Variants in TRIM34 observed in about 807,000 individuals in gnomAD.
TRIM34 encodes the protein E3 ubiquitin-protein ligase TRIM34.
TRIM34 carries 41 observed loss-of-function variants against 38.1 expected under a neutral mutation model. That is an observed-to-expected ratio of 1.08 (90% CI 0.84 to 1.40). The LOEUF is 1.40. Among genes scored for constraint, TRIM34 ranks in the 40% most tolerant of loss-of-function variants. The pLI is 0.00. For synonymous variants in TRIM34, 200 were observed against 202.5 expected (o/e 0.99, Z 0.10); for missense variants, 556 against 571.4 (o/e 0.97, Z 0.27).
chr11:5,627,132 C>T (rs970301191), intron 1 of TRIM34, among the ~76,000 whole-genome samples: 3 of 152,004 alleles, frequency 2.0e-5, no homozygotes, highest in Non-Finnish European at 2.9e-5. Flanking sequence ...AATCCCAGCA[C>T]TGTGGGAGGC....
At chr11:5,639,458 A>G (rs1590182514) in intron 4 of TRIM34, among the ~76,000 whole-genome samples, 1 of 152,002 alleles carries the variant, frequency 6.6e-6, no homozygotes, top group African/African-American at 2.4e-5. Context: ...AAGAGGGCGG[A>G]TCATGAGGTC....
intron 3 of TRIM34, among the ~76,000 whole-genome samples, chr11:5,634,111 C>G (rs1162958853): frequency 6.6e-6 from 1 of 152,180 alleles, no homozygotes. Flanking sequence ...CAAAGATAGA[C>G]TCTATGATGA....
intron 1 of TRIM34, 122 bp from the exon 2 acceptor site, chr11:5,632,133 G>A (rs1849507316): frequency 7.1e-7 from 1 of 1,411,302 alleles, no homozygotes; most frequent in Non-Finnish European, 9.4e-7. Flanking sequence ...GCCATTTTTG[G>A]TTTCTCTTCC....
chr11:5,629,445 CA>C (rs1225469403), intron 1 of TRIM34, among the ~76,000 whole-genome samples: 3 of 152,152 alleles, frequency 2.0e-5, no homozygotes, highest in African/African-American at 7.2e-5. Flanking sequence ...GAACAAGTAT[CA>C]AAATGTTACT....
chr11:5,643,125 A>ATATATATATTTT lies in TRIM34; in HGVS notation c.902-18_902-17insATATATATTTTT. 3.1e-6 allele frequency: 3 copies of ATATATATATTTT among 974,248 alleles called. No individual in the cohort carries two copies. Among genetic ancestry groups the ATATATATATTTT allele is most frequent in the South Asian group, 6.2e-5 (2 of 32,168 alleles). 60.4% of individuals were successfully genotyped at this position (974,248 alleles called of 1,614,324 possible). A position where few individuals can be genotyped will look rare whatever the true frequency, so the allele number is the denominator to read the frequency against. Reference sequence around the variant, plus strand: ...ATTATATTCATATACATATATATATATTTTTTTTTTTCTTGCAGTGGATGT... The same window carrying ATATATATATTTT: ...ATTATATTCATATACATATATATATATATATATATTTTTTTTTTTTTTTCTTGCAGTGGATGT... On this transcript the variant is annotated intron_variant, in intron 7 of 7. Coordinates refer to ENST00000429814, the MANE Select transcript of TRIM34 (RefSeq NM_021616.6).
intron 1 of TRIM34, among the ~76,000 whole-genome samples, chr11:5,630,103 C>A (rs930351966): frequency 2.0e-5 from 3 of 152,108 alleles, no homozygotes; most frequent in African/African-American, 7.2e-5. Flanking sequence ...CGGATTGATT[C>A]CCTTGTAAAG....
At chr11:5,636,859 T>C (rs1418540532) in intron 4 of TRIM34, among the ~76,000 whole-genome samples, 1 of 152,124 alleles carries the variant, frequency 6.6e-6, no homozygotes, top group East Asian at 1.9e-4. Context: ...TAAGATATAA[T>C]CTGTTGGCGG....
In TRIM34 at chr11:5,634,623, C is replaced by T; in HGVS notation, c.520-8C>T. ...CTTACTACAACTCTCTCTTGTCCAT[C>T]CTTGCAGTATCAGGTACAAACTGAG... is the stretch of plus-strand genomic sequence containing the variant. On this transcript the variant is annotated splice_region_variant and splice_polypyrimidine_tract_variant and intron_variant, in intron 3 of 7. Transcript: ENST00000429814. 1 of 1,607,964 alleles carries T rather than the reference C, an allele frequency of 6.2e-7. No homozygotes were observed. Among genetic ancestry groups the T allele is most frequent in the Non-Finnish European group, 8.5e-7 (1 of 1,176,560 alleles).
chr11:5,634,530 C>CACACACATATATATATATATAT (rs1491498839), intron 3 of TRIM34, 101 bp from the exon 4 acceptor site: 6 of 203,906 alleles, frequency 2.9e-5, no homozygotes, highest in African/African-American at 2.1e-4. Flanking sequence ...CACACACACA[C>CACACACATATATATATATATAT]ATATATATAT....
chr11:5,643,139 TGC>T lies in TRIM34; in HGVS notation c.902-4_902-3del. 1 of 1,433,900 alleles carries T rather than the reference TGC, an allele frequency of 7.0e-7. No individual in the cohort carries two copies. Among genetic ancestry groups the T allele is most frequent in the Non-Finnish European group, 9.1e-7 (1 of 1,093,316 alleles). 88.8% of individuals were successfully genotyped at this position (1,433,900 alleles called of 1,614,324 possible). On this transcript the variant is annotated splice_region_variant and splice_polypyrimidine_tract_variant and intron_variant, in intron 7 of 7. Coordinates refer to ENST00000429814, the MANE Select transcript of TRIM34 (RefSeq NM_021616.6). ...CATATATATATATTTTTTTTTTTCT[TGC>T]AGTGGATGTCACACTGAATTCAGTC...
intron 7 of TRIM34, 136 bp from the exon 8 acceptor site, chr11:5,643,008 G>A (rs1292445464): frequency 2.3e-6 from 3 of 1,320,858 alleles, no homozygotes; most frequent in African/African-American, 3.0e-5. Context: ...ATCAGTGCAA[G>A]TTTTTCAGTC....
upstream of TRIM34, among the ~76,000 whole-genome samples, chr11:5,624,203 C>T (rs978914495): frequency 2.0e-5 from 3 of 152,036 alleles, no homozygotes; most frequent in East Asian, 3.9e-4. Flanking sequence ...CTCAGATTCG[C>T]GTAAAAATTA....
intron 1 of TRIM34, among the ~76,000 whole-genome samples, chr11:5,630,067 C>T (rs569580450): frequency 4.6e-5 from 7 of 152,238 alleles, no homozygotes; most frequent in South Asian, 4.1e-4. Context: ...GTGAAACTAA[C>T]GTAGCTTAGG....
At chr11:5,634,932 G>A (rs1849668036) in intron 4 of TRIM34, 71 bp downstream of exon 4, 5 of 1,523,600 alleles carry the variant, frequency 3.3e-6, no homozygotes, top group Non-Finnish European at 4.4e-6. Context: ...TCTCATCCTG[G>A]TGGTGACACT....
In TRIM34 at chr11:5,643,752, C is replaced by A. The variant is rs1457534306; in HGVS notation, c.*43C>A. 6.5e-6 allele frequency: 10 copies of A among 1,530,120 alleles called. No individual in the cohort carries two copies. Among genetic ancestry groups the A allele is most frequent in the Non-Finnish European group, 8.7e-6 (10 of 1,145,136 alleles). 94.8% of individuals were successfully genotyped at this position (1,530,120 alleles called of 1,614,324 possible). A position where few individuals can be genotyped will look rare whatever the true frequency, so the allele number is the denominator to read the frequency against. On this transcript the variant is annotated 3_prime_UTR_variant, in exon 8 of 8. Transcript: ENST00000429814. ...CCTACAACCCTTTGTCTTGACTTAT[C>A]TCCTGCAACTGACTCATCTGCAACA...
chr11:5,635,404 A>G (rs757562879), intron 4 of TRIM34, among the ~76,000 whole-genome samples: 7 of 151,518 alleles, frequency 4.6e-5, no homozygotes, highest in Admixed American at 1.3e-4. Context: ...ACAGGCACCC[A>G]CCACCACGTC....
chr11:5,621,986 G>C (rs369884454), upstream of TRIM34, among the ~76,000 whole-genome samples: 7 of 152,058 alleles, frequency 4.6e-5, no homozygotes, highest in Admixed American at 3.3e-4. Flanking sequence ...AGGCTGTCAG[G>C]GACACATGTC....
chr11:5,641,247 T>G lies in TRIM34; in HGVS notation c.773+58T>G, dbSNP rs145466951. ...AGTTATAAAGAAGTGTTTGTAGCTA[T>G]TAGAGTTATTTGGTGGTCAATTGGA... On this transcript the variant is annotated intron_variant, in intron 5 of 7. Coordinates refer to ENST00000429814, the MANE Select transcript of TRIM34 (RefSeq NM_021616.6). 546 of 1,612,084 alleles carry G rather than the reference T, an allele frequency of 3.4e-4. 4 individuals are homozygous for G. In the East Asian group the frequency reaches 0.01, roughly 31 times the overall value.
At chr11:5,631,059 C>T (rs1849461894) in intron 1 of TRIM34, among the ~76,000 whole-genome samples, 1 of 152,198 alleles carries the variant, frequency 6.6e-6, no homozygotes, top group Non-Finnish European at 1.5e-5. Context: ...ACAGCCATCT[C>T]CTTGCTATTT....
Sources: allele counts gnomAD v4.1 joint callset (sites outside exome capture counted in the v4.1 genomes callset), GRCh38; gene constraint gnomAD v4.1.1; transcripts MANE v1.5; gene names NCBI Gene and HGNC (gene_info 2026-07-23, HGNC 2026-07-21).